The following ASIC1 variants were observed in gnomAD, a reference collection of about 807,000 sequenced individuals.
ASIC1 encodes the protein acid-sensing ion channel 1.
ASIC1 carries 21 observed loss-of-function variants against 63.4 expected under a neutral mutation model. The observed-to-expected ratio is 0.33, with a 90% CI of 0.23 to 0.48. ASIC1 has a LOEUF of 0.48. ASIC1 is among the 20% of genes least tolerant of loss of function. The probability of loss-of-function intolerance (pLI) is 0.99; values close to 1 mark genes in which losing one functional copy is unlikely to be tolerated. For synonymous variants in ASIC1, 258 were observed against 278.2 expected (o/e 0.93, Z 0.72); for missense variants, 478 against 695.5 (o/e 0.69, Z 3.52).
chr12:50,069,344 A>G (rs1251352941), intron 3 of ASIC1, among the ~76,000 whole-genome samples: 1 of 151,436 alleles, frequency 6.6e-6, no homozygotes, highest in Admixed American at 6.6e-5. Flanking sequence ...CCTGGGCTGG[A>G]GTGCAGTGGT....
chr12:50,059,718 T>G lies in ASIC1; in HGVS notation c.363-41T>G. 6.3e-7 allele frequency: 1 copy of G among 1,591,936 alleles called. No individual in the cohort carries two copies. ...ACCCAAGTTGGGTGCAGGACACTGA[T>G]GACTGTACTGACCCGTGTGTCACTC... On this transcript the variant is annotated intron_variant, in intron 2 of 11. Coordinates refer to ENST00000447966, the MANE Select transcript of ASIC1 (RefSeq NM_001095.4). This position sits in a 1 kb window ranked among gnomAD's most constrained non-coding sequence, Gnocchi z 4.6.
chr12:50,077,511 C>A, intron 4 of ASIC1, 148 bp downstream of exon 4: 1 of 1,180,870 alleles, frequency 8.5e-7, no homozygotes, highest in Non-Finnish European at 1.2e-6. Context: ...CTGACTCTAC[C>A]TGACTTCCAC....
At chr12:50,063,272 G>A (rs1442989973) in intron 3 of ASIC1, among the ~76,000 whole-genome samples, 1 of 152,190 alleles carries the variant, frequency 6.6e-6, no homozygotes, top group Non-Finnish European at 1.5e-5. Context: ...CGCAGCTGGT[G>A]CCATCCTCCA....
chr12:50,074,261 GC>G lies in ASIC1; in HGVS notation c.559-2950del. ...TTCTCAGTGGTGAGTGGAGCCCCAT[GC>G]CTGCCACAGTACCCCAAGAGTGTCT... On this transcript the variant is annotated intron_variant, in intron 3 of 11. Coordinates refer to ENST00000447966, the MANE Select transcript of ASIC1 (RefSeq NM_001095.4). The surrounding 1 kb of genome is among the most constrained non-coding windows in gnomAD (Gnocchi z 4.2). 1.4e-6 allele frequency: 2 copies of G among 1,455,100 alleles called. No homozygotes were observed. Among genetic ancestry groups the G allele is most frequent in the Non-Finnish European group, 1.8e-6 (2 of 1,105,790 alleles). The allele number at this position is 1,455,100 out of a possible 1,614,324, so 90.1% of individuals were successfully genotyped here.
chr12:50,078,348 T>C lies in ASIC1; in HGVS notation c.838-73T>C. ...AGCAGAACTCCAGAGATCTGCATCT[T>C]GTCAGAGGAGTCCATCAAGCTGATT... On this transcript the variant is annotated intron_variant, in intron 5 of 11. Coordinates refer to ENST00000447966, the MANE Select transcript of ASIC1 (RefSeq NM_001095.4). The surrounding 1 kb of genome is among the most constrained non-coding windows in gnomAD (Gnocchi z 6.0). The C allele has an allele frequency of 1.3e-6, 2 of 1,586,386 alleles. No individual in the cohort carries two copies. Among genetic ancestry groups the C allele is most frequent in the Non-Finnish European group, 8.6e-7 (1 of 1,162,724 alleles).
rs1592281945 is a variant in ASIC1 at position 50,081,723 on chromosome 12, C to T, written c.*74C>T. The T allele has an allele frequency of 1.5e-6, 2 of 1,371,580 alleles. No individual in the cohort carries two copies. The highest frequency in any genetic ancestry group is 2.0e-6 in the Non-Finnish European group (2 of 985,632). The allele number at this position is 1,371,580 out of a possible 1,614,324, so 85.0% of individuals were successfully genotyped here. On this transcript the variant is annotated 3_prime_UTR_variant, in exon 12 of 12. Coordinates refer to ENST00000447966, the MANE Select transcript of ASIC1 (RefSeq NM_001095.4). ...GCGAGGGGGCCCCCAGCTGCCTCCT[C>T]ACATCTGCCCTGGGGACTCCCCACA...
At position 50,081,557 on chromosome 12, in the gene ASIC1, A is replaced by G. The variant is rs1950719860; in HGVS notation, c.1495A>G (p.Ser499Gly). The part of the protein sequence containing the change: ...DDVKRHNPCE[S>G]LRGHPAGMTY... ...CCCCTTCCCCCAGAACCCGTGCGAG[A>G]GCCTTCGGGGCCACCCTGCCGGGAT... The change falls in exon 12 of 12, where the codon AGC becomes GGC. Residue 499 changes from serine (S) to glycine (G), a missense_variant. Physicochemically the swap from Ser to Gly is moderately conservative, Grantham distance 56. This residue lies in a region of ASIC1 where 104 missense variants were observed against 97.0 expected (regional missense o/e 1.07). Transcript: ENST00000447966. 1 of 1,613,884 alleles carries G rather than the reference A, an allele frequency of 6.2e-7. No individual in the cohort carries two copies. Among genetic ancestry groups the G allele is most frequent in the African/African-American group, 1.3e-5 (1 of 74,842 alleles).
intron 3 of ASIC1, chr12:50,073,688 A>G (rs754402278): frequency 9.4e-5 from 145 of 1,536,394 alleles, no homozygotes; most frequent in Non-Finnish European, 1.1e-4. Flanking sequence ...CAGCAGCAGG[A>G]CATCTCAGAA....
chr12:50,073,643 C>G, intron 3 of ASIC1: 1 of 1,536,190 alleles, frequency 6.5e-7, no homozygotes, highest in Non-Finnish European at 8.7e-7. Flanking sequence ...GCCCCAGGGC[C>G]CTTGGGAGAT....
rs191573648 is a variant in ASIC1 at position 50,074,474 on chromosome 12, A to G, written c.559-2739A>G. ...GCTGCTTTTCCTGTTAGAATCTTGA[A>G]ACACGTCTGTCTTAGTTGGTATTTT... On this transcript the variant is annotated intron_variant, in intron 3 of 11. Transcript: ENST00000447966. The surrounding 1 kb of genome is among the most constrained non-coding windows in gnomAD (Gnocchi z 4.2). 2.1e-3 allele frequency among the ~76,000 whole-genome samples: 326 copies of G among 152,192 alleles called. 1 individual carries two copies. The highest frequency in any genetic ancestry group is 4.3e-3 in the Admixed American group (66 of 15,290).
At position 50,074,344 on chromosome 12, in the gene ASIC1, G is replaced by A. The variant is rs1950632199; in HGVS notation, c.559-2869G>A. On this transcript the variant is annotated intron_variant, in intron 3 of 11. Transcript: ENST00000447966. The surrounding 1 kb of genome is among the most constrained non-coding windows in gnomAD (Gnocchi z 4.2). ...GGTTGGGGCTGGGGCTGGGGCTGGG[G>A]CTGATGACTGTGCTGCCCCCTACCT... 2.1e-6 allele frequency: 3 copies of A among 1,424,822 alleles called. No homozygotes were observed. In the Admixed American group the frequency reaches 8.6e-5, roughly 41 times the overall value. The allele number at this position is 1,424,822 out of a possible 1,614,324, so 88.3% of individuals were successfully genotyped here.
chr12:50,071,705 G>A (rs1347210439), intron 3 of ASIC1, among the ~76,000 whole-genome samples: 1 of 152,134 alleles, frequency 6.6e-6, no homozygotes, highest in Non-Finnish European at 1.5e-5. Flanking sequence ...GAGTGCAGTG[G>A]TGCGATCTCG....
At chr12:50,076,997 G>T (rs1347888572) in intron 3 of ASIC1, 1 of 769,152 alleles carries the variant, frequency 1.3e-6, no homozygotes, top group Non-Finnish European at 2.2e-6. Context: ...AGGAGCTCAG[G>T]CGATGCACCC....
chr12:50,059,700 T>C lies in ASIC1; in HGVS notation c.363-59T>C. Reference sequence around the variant, plus strand: ...CTGGAGGCTGCCCCCATCACCCAAGTTGGGTGCAGGACACTGATGACTGTA... The same window carrying C: ...CTGGAGGCTGCCCCCATCACCCAAGCTGGGTGCAGGACACTGATGACTGTA... On this transcript the variant is annotated intron_variant, in intron 2 of 11. Transcript: ENST00000447966. The surrounding 1 kb of genome is among the most constrained non-coding windows in gnomAD (Gnocchi z 4.6). The C allele has an allele frequency of 5.2e-6, 8 of 1,551,574 alleles. No individual in the cohort carries two copies. The highest frequency in any genetic ancestry group is 1.7e-4 in the Middle Eastern group (1 of 5,924).
At position 50,074,177 on chromosome 12, in the gene ASIC1, G is replaced by T. The variant is rs746666237; in HGVS notation, c.559-3036G>T. On this transcript the variant is annotated intron_variant, in intron 3 of 11. Transcript: ENST00000447966. The surrounding 1 kb of genome is among the most constrained non-coding windows in gnomAD (Gnocchi z 4.2). ...CGCTTCTACAATCGCTCCTGCCACC[G>T]GCTGGAGGACATGCTGCTCTATTGC... is the stretch of plus-strand genomic sequence containing the variant. 2 of 1,533,726 alleles carry T rather than the reference G, an allele frequency of 1.3e-6. No homozygotes were observed. Among genetic ancestry groups the T allele is most frequent in the Admixed American group, 2.0e-5 (1 of 50,716 alleles).
At position 50,072,728 on chromosome 12, in the gene ASIC1, G is replaced by A. The variant is rs574246222; in HGVS notation, c.559-4485G>A. Among the ~76,000 whole-genome samples, 6 of 152,304 alleles carry A rather than the reference G, an allele frequency of 3.9e-5. No individual in the cohort carries two copies. The East Asian group carries it at 7.7e-4, about 20-fold the overall frequency. Reference sequence around the variant, plus strand: ...AGACAGGGTCCCTCCCCCTAGTGCCGGGAACTGGTCAGAAATGAGTCTGTG... The same window carrying A: ...AGACAGGGTCCCTCCCCCTAGTGCCAGGAACTGGTCAGAAATGAGTCTGTG... On this transcript the variant is annotated intron_variant, in intron 3 of 11. Coordinates refer to ENST00000447966, the MANE Select transcript of ASIC1 (RefSeq NM_001095.4).
chr12:50,079,067 A>G, intron 7 of ASIC1, 87 bp downstream of exon 7: 1 of 1,335,704 alleles, frequency 7.5e-7, no homozygotes, highest in Non-Finnish European at 1.1e-6. Flanking sequence ...CGCTCCCAGA[A>G]GCCTCACATA....
intron 9 of ASIC1, among the ~76,000 whole-genome samples, 164 bp from the exon 10 acceptor site, chr12:50,080,938 T>TA (rs776517612): frequency 5.3e-5 from 8 of 152,352 alleles, no homozygotes; most frequent in Non-Finnish European, 1.2e-4. Flanking sequence ...CAGAAAAGCA[T>TA]AGAGAAGAAA....
chr12:50,080,124 T>C, intron 8 of ASIC1, 69 bp downstream of exon 8: 1 of 1,497,282 alleles, frequency 6.7e-7, no homozygotes, highest in Non-Finnish European at 9.0e-7. Context: ...TGGGGTTTGA[T>C]GGGGGCGGGG....
Sources: gnomAD v4.1 joint callset for allele counts (sites outside exome capture counted in the v4.1 genomes callset) on GRCh38, gnomAD v4.1.1 for gene constraint, gnomAD v4.1.1 regional missense constraint, Gnocchi (gnomAD v3.1) non-coding constraint, MANE v1.5 for transcripts, NCBI Gene and HGNC (gene_info 2026-07-23, HGNC 2026-07-21) for gene names.